VMP1: variants seen among roughly 807,000 people sequenced by gnomAD.
VMP1 encodes ectopic P-granules autophagy protein 3 homolog.
VMP1 carries 11 observed loss-of-function variants against 56.0 expected under a neutral mutation model. That is an observed-to-expected ratio of 0.20 (90% CI 0.12 to 0.32). VMP1 has a LOEUF of 0.32. Ranked by LOEUF, VMP1 falls within the 10% of genes least tolerant of loss-of-function variation. The pLI is 1.00. For missense variants in VMP1, 296 were observed against 490.3 expected, an observed-to-expected ratio of 0.60 and a Z score of 3.74; for synonymous variants, 149 against 165.0, an observed-to-expected ratio of 0.90 and a Z score of 0.74.
At chr17:59,834,019 G>A (rs1050797728) in intron 10 of VMP1, 1 of 151,960 alleles carries the variant, frequency 6.6e-6, no homozygotes, top group African/African-American at 2.4e-5. Flanking sequence ...CAGGCTGGAG[G>A]ACAATGGCGC....
At chr17:59,784,693 T>C (rs1445079230) in intron 7 of VMP1, 1 of 152,222 alleles carries the variant, frequency 6.6e-6, no homozygotes, top group Non-Finnish European at 1.5e-5. Context: ...ACATGAAACA[T>C]GTCCATTAAT....
At chr17:59,741,413 G>A (rs1329575987) in intron 5 of VMP1, among the ~76,000 whole-genome samples, 3 of 152,104 alleles carry the variant, frequency 2.0e-5, no homozygotes, top group Non-Finnish European at 1.5e-5. Context: ...CTTGTAGAGA[G>A]AAGTCAAGCA....
chr17:59,768,159 G>T (rs1598363731), intron 6 of VMP1, among the ~76,000 whole-genome samples: 1 of 150,950 alleles, frequency 6.6e-6, no homozygotes, highest in Non-Finnish European at 1.5e-5. Flanking sequence ...TGTAGTATAG[G>T]AATGTCAATA....
intron 10 of VMP1, among the ~76,000 whole-genome samples, chr17:59,820,364 C>T (rs1031040473): frequency 9.2e-5 from 14 of 152,114 alleles, no homozygotes; most frequent in Admixed American, 8.5e-4. Flanking sequence ...CTGTCCTGTG[C>T]ATTATAAGAG....
intron 10 of VMP1, among the ~76,000 whole-genome samples, chr17:59,832,579 T>C (rs1014569923): frequency 9.2e-5 from 3 of 32,774 alleles, no homozygotes; most frequent in Non-Finnish European, 2.8e-4. Flanking sequence ...AGTTATTTGT[T>C]TTGTTTTGTT....
intron 9 of VMP1, among the ~76,000 whole-genome samples, chr17:59,812,053 T>TA (rs2038069825): frequency 6.6e-6 from 1 of 152,114 alleles, no homozygotes; most frequent in Admixed American, 6.6e-5. Context: ...TTTAACTATT[T>TA]ATCCAGGACT....
chr17:59,836,626 CGT>C (rs978590585), intron 10 of VMP1, among the ~76,000 whole-genome samples: 3 of 151,200 alleles, frequency 2.0e-5, no homozygotes, highest in African/African-American at 7.3e-5. Context: ...CAGATCAGTT[CGT>C]GTGTGTGTGT....
At chr17:59,817,951 A>G (rs756122386) in intron 10 of VMP1, among the ~76,000 whole-genome samples, 178 bp downstream of exon 10, 20 of 152,288 alleles carry the variant, frequency 1.3e-4, no homozygotes, top group Non-Finnish European at 2.5e-4. Context: ...AGGGAAAGAT[A>G]AAGCTTACAT....
intron 7 of VMP1, among the ~76,000 whole-genome samples, chr17:59,797,804 G>A (rs761844859): frequency 1.2e-4 from 19 of 152,212 alleles, no homozygotes; most frequent in Non-Finnish European, 2.4e-4. Flanking sequence ...ACTTGAACCC[G>A]GGAGTAGGAG....
intron 5 of VMP1, among the ~76,000 whole-genome samples, chr17:59,754,555 T>C (rs2035767052): frequency 6.6e-6 from 1 of 152,218 alleles, no homozygotes; most frequent in South Asian, 2.1e-4. Context: ...TGCTCATTTG[T>C]CTATCCTCCT....
chr17:59,822,808 C>T (rs981420917), intron 10 of VMP1, among the ~76,000 whole-genome samples: 1 of 152,082 alleles, frequency 6.6e-6, no homozygotes, highest in African/African-American at 2.4e-5. Flanking sequence ...TGGATTTCCT[C>T]ACTAGATACA....
At position 59,735,393 on chromosome 17, in the gene VMP1, T is replaced by A; in HGVS notation, c.132T>A (p.Ile44=). 2 of 1,614,164 alleles carry A rather than the reference T, an allele frequency of 1.2e-6. No individual in the cohort carries two copies. The highest frequency in any genetic ancestry group is 1.7e-6 in the Non-Finnish European group (2 of 1,180,024). Reference sequence around the variant, plus strand: ...GGGAGCGGGAAGAAAGGCAGAATATTGTCCTGTGGAGACAGCCGCTCATTA... The same window carrying A: ...GGGAGCGGGAAGAAAGGCAGAATATAGTCCTGTGGAGACAGCCGCTCATTA... The part of the protein sequence containing the change: ...KRREREERQN[I]VLWRQPLITL... The change falls in exon 3 of 12, where the codon ATT becomes ATA. Residue 44 remains isoleucine, a synonymous_variant. Coordinates refer to ENST00000262291, the MANE Select transcript of VMP1 (RefSeq NM_030938.5).
At chr17:59,773,159 A>G (rs1314030963) in intron 6 of VMP1, among the ~76,000 whole-genome samples, 1 of 151,310 alleles carries the variant, frequency 6.6e-6, no homozygotes, top group Non-Finnish European at 1.5e-5. Context: ...ATGGGGTTTC[A>G]CCCTATTGGC....
At chr17:59,811,902 C>T (rs550287294) in intron 9 of VMP1, 116 bp downstream of exon 9, 110 of 742,376 alleles carry the variant, frequency 1.5e-4, no homozygotes, top group Non-Finnish European at 2.1e-4. Context: ...TGGTTGGTAG[C>T]TTACTTAGGT....
intron 7 of VMP1, among the ~76,000 whole-genome samples, chr17:59,805,948 A>T (rs1259512743): frequency 6.6e-6 from 1 of 152,078 alleles, no homozygotes; most frequent in Non-Finnish European, 1.5e-5. Flanking sequence ...TTAAAAGTGG[A>T]TTTGCTATGA....
At chr17:59,761,921 C>T (rs1030679528) in intron 5 of VMP1, among the ~76,000 whole-genome samples, 2 of 152,218 alleles carry the variant, frequency 1.3e-5, no homozygotes, top group African/African-American at 4.8e-5. Flanking sequence ...ATCTCATTCT[C>T]AACTCGGCAG....
chr17:59,841,232 C>A lies in VMP1; in HGVS notation c.*1321C>A. 1 of 464,788 alleles carries A rather than the reference C, an allele frequency of 2.2e-6. No homozygotes were observed. The highest frequency in any genetic ancestry group is 4.7e-6 in the Non-Finnish European group (1 of 212,240). The allele number at this position is 464,788 out of a possible 1,614,324, so 28.8% of individuals were successfully genotyped here. On this transcript the variant is annotated 3_prime_UTR_variant, in exon 12 of 12. Coordinates refer to ENST00000262291, the MANE Select transcript of VMP1 (RefSeq NM_030938.5). The stretch of plus-strand genomic sequence containing the variant: ...CTGCCTGACTGTCTGCTTGTTTTGC[C>A]TACCATCGTGACATCTCCATGGCTG...
chr17:59,777,110 A>G lies in VMP1; in HGVS notation c.714+3225A>G, dbSNP rs372750288. ...TGAAGTCATCTCTCTGGAGCCCTCCATGCTCCCACTCCATTCTGGACTTGC... is the reference window on the plus strand; with the variant it reads ...TGAAGTCATCTCTCTGGAGCCCTCCGTGCTCCCACTCCATTCTGGACTTGC... On this transcript the variant is annotated intron_variant, in intron 7 of 11. Coordinates refer to ENST00000262291, the MANE Select transcript of VMP1 (RefSeq NM_030938.5). Among the ~76,000 whole-genome samples the G allele has an allele frequency of 1.1e-4, 16 of 152,192 alleles. No homozygotes were observed. In the East Asian group the frequency reaches 2.7e-3, roughly 26 times the overall value.
chr17:59,719,484 A>G (rs1360610695), intron 1 of VMP1, among the ~76,000 whole-genome samples: 1 of 152,032 alleles, frequency 6.6e-6, no homozygotes, highest in East Asian at 1.9e-4. Flanking sequence ...ATCTGGATAG[A>G]TGATTTTTTT....
Sources: gnomAD v4.1 joint callset for allele counts (sites outside exome capture counted in the v4.1 genomes callset) on GRCh38, gnomAD v4.1.1 for gene constraint, MANE v1.5 for transcripts, NCBI Gene and HGNC (gene_info 2026-07-23, HGNC 2026-07-21) for gene names.